The following WDR93 variants were observed in gnomAD, a reference collection of about 807,000 sequenced individuals.
The protein encoded by WDR93 is WD repeat-containing protein 93.
A neutral mutation model predicts 82.9 loss-of-function variants in WDR93; 73 were observed. The observed-to-expected ratio is 0.88, with a 90% CI of 0.73 to 1.07. The LOEUF is 1.07. Ranked by LOEUF, WDR93 falls within the 50% of genes least tolerant of loss-of-function variation. The probability of loss-of-function intolerance (pLI) is 0.00; values close to 1 mark genes in which losing one functional copy is unlikely to be tolerated. For missense variants in WDR93, 738 were observed against 826.0 expected (o/e 0.89, Z 1.31); for synonymous variants, 283 against 300.1 (o/e 0.94, Z 0.59).
chr15:89,724,160 G>A (rs1184513171), intron 8 of WDR93, among the ~76,000 whole-genome samples: 1 of 143,636 alleles, frequency 7.0e-6, no homozygotes, highest in Admixed American at 6.9e-5. Flanking sequence ...GCAACATGGA[G>A]AAACCCCATC....
chr15:89,706,685 G>C (rs1352226560), intron 4 of WDR93, among the ~76,000 whole-genome samples: 1 of 151,940 alleles, frequency 6.6e-6, no homozygotes, highest in Non-Finnish European at 1.5e-5. Flanking sequence ...AAACCACAGA[G>C]GAATTTTTTT....
At chr15:89,741,867 T>A (rs1967701380) in intron 16 of WDR93, among the ~76,000 whole-genome samples, 1 of 152,102 alleles carries the variant, frequency 6.6e-6, no homozygotes, top group Non-Finnish European at 1.5e-5. Flanking sequence ...TTCTCCTGCC[T>A]CAGCCTCCCA....
At chr15:89,701,516 G>GCCTCCTC (rs1965463549) in intron 1 of WDR93, among the ~76,000 whole-genome samples, 191 bp from the exon 2 acceptor site, 1 of 152,166 alleles carries the variant, frequency 6.6e-6, no homozygotes, top group Non-Finnish European at 1.5e-5. Context: ...GAAAATACCT[G>GCCTCCTC]CCTCCTCTAA....
intron 13 of WDR93, among the ~76,000 whole-genome samples, chr15:89,734,988 C>T (rs1967042246): frequency 6.6e-6 from 1 of 150,952 alleles, no homozygotes; most frequent in South Asian, 2.1e-4. Context: ...CTCCGTCCCT[C>T]CTTCCTTCCT....
chr15:89,731,408 T>G (rs775174808), intron 11 of WDR93, 35 bp from the exon 12 acceptor site: 3 of 1,612,034 alleles, frequency 1.9e-6, no homozygotes. Context: ...GTGCAGAGTC[T>G]GGGGGAACCG....
At chr15:89,690,736 G>T, upstream of WDR93, 1 of 784,582 alleles carries the variant, frequency 1.3e-6, no homozygotes, top group South Asian at 1.6e-5. Flanking sequence ...TCCGCTGAGG[G>T]GGAGGGGCTG....
At chr15:89,712,673 A>G (rs1966046552) in intron 5 of WDR93, among the ~76,000 whole-genome samples, 1 of 152,168 alleles carries the variant, frequency 6.6e-6, no homozygotes, top group African/African-American at 2.4e-5. Context: ...CAAGGGGTAC[A>G]TGATAGCAGC....
intron 1 of WDR93, among the ~76,000 whole-genome samples, chr15:89,691,075 C>T (rs1964851009): frequency 6.6e-6 from 1 of 152,224 alleles, no homozygotes; most frequent in Middle Eastern, 3.4e-3. Context: ...CCCCTGAGCT[C>T]TTGCTTGGGA....
chr15:89,718,133 G>T (rs1304941896), intron 7 of WDR93, among the ~76,000 whole-genome samples: 1 of 152,008 alleles, frequency 6.6e-6, no homozygotes, highest in Non-Finnish European at 1.5e-5. Context: ...TTGAGCTCAG[G>T]AATTTGAGAC....
chr15:89,738,072 C>T lies in WDR93; in HGVS notation c.1797C>T (p.Asp599=), dbSNP rs757158100. 2.1e-5 allele frequency: 34 copies of T among 1,613,144 alleles called. No homozygotes were observed. Among genetic ancestry groups the T allele is most frequent in the African/African-American group, 5.3e-5 (4 of 74,826 alleles). The change falls in exon 16 of 17, where the codon GAC becomes GAT. Residue 599 remains aspartate (D), a synonymous_variant. Coordinates refer to ENST00000268130, the MANE Select transcript of WDR93 (RefSeq NM_020212.2). ...ATTCACATGAAACTGCGTCCACCGACGATGCTGGAATCCAATATTCTGTTT... is the reference window on the plus strand; with the variant it reads ...ATTCACATGAAACTGCGTCCACCGATGATGCTGGAATCCAATATTCTGTTT... ...GDYSHETAST[D]DAGIQYSVFY...
At chr15:89,739,395 C>T (rs1967477631) in intron 16 of WDR93, among the ~76,000 whole-genome samples, 1 of 152,146 alleles carries the variant, frequency 6.6e-6, no homozygotes, top group Non-Finnish European at 1.5e-5. Flanking sequence ...TCTAAGACCC[C>T]TTTCTTTTAC....
chr15:89,736,433 A>G lies in WDR93; in HGVS notation c.1608+880A>G, dbSNP rs577951161. Among the ~76,000 whole-genome samples, 5 of 152,190 alleles carry G rather than the reference A, an allele frequency of 3.3e-5. No individual in the cohort carries two copies. In the South Asian group the frequency reaches 1.0e-3, roughly 32 times the overall value. ...TCACCAGCCAGGTACAGTTAGTGAGAGGTGGTTGAAGTGGGGCGTACAGCA... is the reference window on the plus strand; with the variant it reads ...TCACCAGCCAGGTACAGTTAGTGAGGGGTGGTTGAAGTGGGGCGTACAGCA... On this transcript the variant is annotated intron_variant, in intron 14 of 16. Transcript: ENST00000268130.
intron 1 of WDR93, among the ~76,000 whole-genome samples, chr15:89,697,728 G>A (rs1446548618): frequency 6.6e-6 from 1 of 152,108 alleles, no homozygotes; most frequent in East Asian, 1.9e-4. Context: ...TTATTGAGAA[G>A]AGGGTATTGA....
intron 12 of WDR93, among the ~76,000 whole-genome samples, chr15:89,732,707 G>A (rs544280195): frequency 2.0e-5 from 3 of 151,710 alleles, no homozygotes; most frequent in Admixed American, 6.6e-5. Flanking sequence ...GGTCAGCTGC[G>A]CCTCAGTCCC....
intron 1 of WDR93, among the ~76,000 whole-genome samples, chr15:89,693,197 A>G (rs995825238): frequency 1.3e-5 from 2 of 152,272 alleles, no homozygotes; most frequent in Non-Finnish European, 2.9e-5. Context: ...GATGTGAAAC[A>G]TAAGTTTTAA....
At position 89,701,925 on chromosome 15, in the gene WDR93, T is replaced by A; in HGVS notation, c.179T>A (p.Ile60Asn). 6.2e-7 allele frequency: 1 copy of A among 1,614,164 alleles called. No individual in the cohort carries two copies. The highest frequency in any genetic ancestry group is 8.5e-7 in the Non-Finnish European group (1 of 1,180,028). The change falls in exon 2 of 17, where the codon ATC becomes AAC. Residue 60 changes from isoleucine (I) to asparagine (N), a missense_variant. Coordinates refer to ENST00000268130, the MANE Select transcript of WDR93 (RefSeq NM_020212.2). ...LDSLPQPYRMINKLVNLLFDQ... is the reference protein window; with the variant it reads ...LDSLPQPYRMNNKLVNLLFDQ... Reference sequence around the variant, plus strand: ...TCCTTGCCTCAGCCTTATCGAATGATCAACAAGCTGGTGAACCTTCTGTTT... The same window carrying A: ...TCCTTGCCTCAGCCTTATCGAATGAACAACAAGCTGGTGAACCTTCTGTTT...
chr15:89,731,307 T>C, intron 11 of WDR93, 136 bp from the exon 12 acceptor site: 2 of 1,250,798 alleles, frequency 1.6e-6, no homozygotes, highest in Non-Finnish European at 2.2e-6. Context: ...AGAAGGATGA[T>C]GGTGAGTCCA....
chr15:89,731,830 T>C (rs1467206557), intron 12 of WDR93, among the ~76,000 whole-genome samples: 1 of 152,234 alleles, frequency 6.6e-6, no homozygotes, highest in African/African-American at 2.4e-5. Context: ...GTATGATCAT[T>C]GCCTTCATTA....
chr15:89,690,601 G>A (rs759527990), upstream of WDR93: 7 of 1,551,452 alleles, frequency 4.5e-6, no homozygotes, highest in South Asian at 8.3e-5. Flanking sequence ...CCGGCCCTGG[G>A]TCTGGTTGGT....
Sources: allele counts gnomAD v4.1 joint callset (sites outside exome capture counted in the v4.1 genomes callset), GRCh38; gene constraint gnomAD v4.1.1; transcripts MANE v1.5; gene names NCBI Gene and HGNC (gene_info 2026-07-23, HGNC 2026-07-21).